NEDD4L: variants seen among roughly 807,000 people sequenced by gnomAD.
NEDD4L encodes NEDD4 like E3 ubiquitin protein ligase.
Under a neutral mutation model 148.9 loss-of-function variants are expected in NEDD4L, and 54 were observed. That is an observed-to-expected ratio of 0.36 (90% confidence interval 0.29 to 0.45). NEDD4L has a LOEUF of 0.45. Among genes scored for constraint, NEDD4L ranks in the 20% least tolerant of loss-of-function variants. The pLI, the probability that NEDD4L is intolerant of heterozygous loss-of-function variation, is 1.00. For missense variants in NEDD4L, 856 were observed against 1,233.8 expected (o/e 0.69, Z 4.59); for synonymous variants, 433 against 440.7 (o/e 0.98, Z 0.22).
chr18:58,164,125 C>T (rs1368117359), intron 1 of NEDD4L, among the ~76,000 whole-genome samples: 1 of 151,642 alleles, frequency 6.6e-6, no homozygotes, highest in Non-Finnish European at 1.5e-5. Flanking sequence ...CCCTCAGTCC[C>T]CTGTGCTGTG....
At chr18:58,119,887 C>CA (rs1475120002) in intron 1 of NEDD4L, among the ~76,000 whole-genome samples, 1 of 152,224 alleles carries the variant, frequency 6.6e-6, no homozygotes, top group Non-Finnish European at 1.5e-5. Flanking sequence ...GGGTGGTTCT[C>CA]ATAGCAGCCA....
chr18:58,165,779 T>G lies in NEDD4L; in HGVS notation c.49-9T>G, dbSNP rs1462721509. On this transcript the variant is annotated splice_polypyrimidine_tract_variant and intron_variant, in intron 1 of 30. Coordinates refer to ENST00000400345, the MANE Select transcript of NEDD4L (RefSeq NM_001144967.3). ...TTTTTAACCTCTTTTTTTGTTCTCC[T>G]TCTCACAGGGAGAGTCCCGTATTCT... is the stretch of plus-strand genomic sequence containing the variant. 1.9e-6 allele frequency: 3 copies of G among 1,607,556 alleles called. No individual in the cohort carries two copies. Among genetic ancestry groups the G allele is most frequent in the Non-Finnish European group, 2.6e-6 (3 of 1,176,118 alleles).
At chr18:58,392,200 C>T (rs1035068295) in intron 30 of NEDD4L, among the ~76,000 whole-genome samples, 4 of 152,210 alleles carry the variant, frequency 2.6e-5, no homozygotes, top group Admixed American at 6.5e-5. Flanking sequence ...TTCTTGAAGC[C>T]GGGTTCAGGG....
intron 1 of NEDD4L, among the ~76,000 whole-genome samples, chr18:58,163,754 G>A (rs920214417): frequency 7.9e-5 from 12 of 152,274 alleles, no homozygotes; most frequent in African/African-American, 2.2e-4. Flanking sequence ...TTGGATGGAC[G>A]GTTGGGTGGA....
chr18:58,258,025 A>G (rs1307909902), intron 5 of NEDD4L, among the ~76,000 whole-genome samples: 1 of 152,228 alleles, frequency 6.6e-6, no homozygotes, highest in African/African-American at 2.4e-5. Flanking sequence ...TTCGTCTTTC[A>G]AGTAAACTTT....
intron 2 of NEDD4L, among the ~76,000 whole-genome samples, chr18:58,226,143 AT>A (rs1258747781): frequency 1.3e-5 from 2 of 152,202 alleles, no homozygotes; most frequent in African/African-American, 4.8e-5. Context: ...CTGGAAAAAA[AT>A]ATTTCCACTC....
intron 1 of NEDD4L, among the ~76,000 whole-genome samples, chr18:58,141,522 G>GGTT (rs1206840493): frequency 6.6e-6 from 1 of 151,944 alleles, no homozygotes; most frequent in Non-Finnish European, 1.5e-5. Flanking sequence ...ATGTGTTGAT[G>GGTT]GTTTACTCTG....
chr18:58,256,099 C>T lies in NEDD4L; in HGVS notation c.297+4045C>T. The T allele has an allele frequency of 3.3e-6, 4 of 1,227,558 alleles. No individual in the cohort carries two copies. Among genetic ancestry groups the T allele is most frequent in the Non-Finnish European group, 4.1e-6 (4 of 985,336 alleles). 76.0% of individuals were successfully genotyped at this position (1,227,558 alleles called of 1,614,324 possible). A position where few individuals can be genotyped will look rare whatever the true frequency, so the allele number is the denominator to read the frequency against. On this transcript the variant is annotated intron_variant, in intron 5 of 30. Transcript: ENST00000400345. This position sits in a 1 kb window ranked among gnomAD's most constrained non-coding sequence, Gnocchi z 5.2. Reference sequence around the variant, plus strand: ...CCTCGCCGAGGGACACCCCCGGGAGCTCCCCTCCGAGGGCAGCCCGGGACC... The same window carrying T: ...CCTCGCCGAGGGACACCCCCGGGAGTTCCCCTCCGAGGGCAGCCCGGGACC...
intron 6 of NEDD4L, among the ~76,000 whole-genome samples, chr18:58,322,145 G>A (rs573634394): frequency 5.9e-5 from 9 of 152,306 alleles, no homozygotes; most frequent in African/African-American, 1.9e-4. Flanking sequence ...GTGAGACTGA[G>A]GCCACACCCT....
chr18:58,293,910 A>G (rs148383482), intron 5 of NEDD4L, among the ~76,000 whole-genome samples: 1 of 152,018 alleles, frequency 6.6e-6, no homozygotes, highest in African/African-American at 2.4e-5. Flanking sequence ...TTTTGTAGAG[A>G]TGGATTCTCA....
At chr18:58,245,370 G>GT in intron 2 of NEDD4L, 57 bp from the exon 3 acceptor site, 1 of 845,070 alleles carries the variant, frequency 1.2e-6, no homozygotes, top group Non-Finnish European at 1.9e-6. Flanking sequence ...AGGTTCCACT[G>GT]TTTTCTCTTT....
chr18:58,396,713 A>ATTTTTTTTTTTT lies in NEDD4L; in HGVS notation c.*447_*458dup, dbSNP rs11433892. On this transcript the variant is annotated 3_prime_UTR_variant, in exon 31 of 31. Transcript: ENST00000400345. ...GTCTCATGTACTTGGAAAAGTGAGC[A>ATTTTTTTTTTTT]TTTTTTTTTTTTTTGTATTTCACTT... 2 of 143,714 alleles carry ATTTTTTTTTTTT rather than the reference A, an allele frequency of 1.4e-5. No individual in the cohort carries two copies. Among genetic ancestry groups the ATTTTTTTTTTTT allele is most frequent in the Non-Finnish European group, 1.5e-5 (1 of 66,052 alleles). 8.9% of individuals were successfully genotyped at this position (143,714 alleles called of 1,614,324 possible).
Position 58,107,690 on chromosome 18 carries a change from A to G in NEDD4L, c.49-58098A>G, listed in dbSNP as rs976008835. On this transcript the variant is annotated intron_variant, in intron 1 of 30. Transcript: ENST00000400345. ...GCAAAGATCTGTGCCTCTGCACCCC[A>G]AGCTGGACAACAGAGCAAGACCCTG... 5.9e-5 allele frequency among the ~76,000 whole-genome samples: 9 copies of G among 152,004 alleles called. No individual in the cohort carries two copies. In the East Asian group the frequency reaches 1.7e-3, roughly 29 times the overall value.
intron 1 of NEDD4L, among the ~76,000 whole-genome samples, chr18:58,162,355 C>T (rs1326857319): frequency 2.6e-5 from 4 of 152,070 alleles, no homozygotes; most frequent in African/African-American, 9.7e-5. Context: ...CAGCTTCCCC[C>T]CATCAAACGG....
intron 2 of NEDD4L, among the ~76,000 whole-genome samples, chr18:58,225,710 T>G (rs2044273323): frequency 6.6e-6 from 1 of 152,150 alleles, no homozygotes; most frequent in Non-Finnish European, 1.5e-5. Context: ...CAAGGGCACA[T>G]TATTAGGTCC....
intron 2 of NEDD4L, among the ~76,000 whole-genome samples, chr18:58,169,012 A>T (rs1335975426): frequency 2.0e-5 from 3 of 151,950 alleles, no homozygotes; most frequent in Non-Finnish European, 4.4e-5. Context: ...TGCCCTTCCG[A>T]GGTGGTGATG....
At chr18:58,255,181 T>A (rs1322421588) in intron 5 of NEDD4L, among the ~76,000 whole-genome samples, 1 of 152,116 alleles carries the variant, frequency 6.6e-6, no homozygotes, top group Non-Finnish European at 1.5e-5. Flanking sequence ...GAATGTGATG[T>A]GGTTTAGATT....
intron 5 of NEDD4L, among the ~76,000 whole-genome samples, chr18:58,296,077 G>A (rs896422041): frequency 2.0e-5 from 3 of 152,210 alleles, no homozygotes; most frequent in African/African-American, 7.2e-5. Context: ...TACCACAGTT[G>A]TCAGATCACT....
chr18:58,392,546 T>C (rs1221460160), intron 30 of NEDD4L, among the ~76,000 whole-genome samples: 3 of 152,258 alleles, frequency 2.0e-5, no homozygotes, highest in East Asian at 3.9e-4. Flanking sequence ...GTTTTTTTTT[T>C]CTATTCGTAC....
Sources: gnomAD v4.1 joint callset for allele counts (sites outside exome capture counted in the v4.1 genomes callset) on GRCh38, gnomAD v4.1.1 for gene constraint, Gnocchi (gnomAD v3.1) non-coding constraint, MANE v1.5 for transcripts, NCBI Gene and HGNC (gene_info 2026-07-23, HGNC 2026-07-21) for gene names.